PIGK: variants seen among roughly 807,000 people sequenced by gnomAD.
The protein encoded by PIGK is phosphatidylinositol glycan anchor biosynthesis class K.
In PIGK, 42 loss-of-function variants were observed where a neutral mutation model predicts 50.6. That is an observed-to-expected ratio of 0.83 (90% CI 0.65 to 1.07). PIGK has a LOEUF of 1.07. Among genes scored for constraint, PIGK ranks in the 50% least tolerant of loss-of-function variants. PIGK has a pLI of 0.00. For missense variants in PIGK, 448 were observed against 488.7 expected (o/e 0.92, Z 0.78); for synonymous variants, 151 against 156.0 (o/e 0.97, Z 0.24).
intron 1 of PIGK, among the ~76,000 whole-genome samples, chr1:77,210,716 G>A (rs934853454): frequency 6.6e-6 from 1 of 152,008 alleles, no homozygotes; most frequent in African/African-American, 2.4e-5. Flanking sequence ...CTGGAGAACT[G>A]GGTTTCATTC....
At chr1:77,189,058 T>C (rs1178747862) in intron 3 of PIGK, among the ~76,000 whole-genome samples, 4 of 152,246 alleles carry the variant, frequency 2.6e-5, no homozygotes, top group Non-Finnish European at 4.4e-5. Context: ...CATTTGTACT[T>C]AGAAAATATC....
At chr1:77,210,003 A>G (rs1040565281) in intron 2 of PIGK, among the ~76,000 whole-genome samples, 2 of 152,032 alleles carry the variant, frequency 1.3e-5, no homozygotes, top group Admixed American at 6.6e-5. Flanking sequence ...CCTTCTTTAA[A>G]CTTTTCTGTA....
intron 4 of PIGK, among the ~76,000 whole-genome samples, chr1:77,168,456 T>C (rs1655280648): frequency 6.6e-6 from 1 of 152,116 alleles, no homozygotes; most frequent in Admixed American, 6.5e-5. Flanking sequence ...GTTTGGCCTA[T>C]ATTTTCCTAA....
At chr1:77,110,578 T>A (rs1480850811) in intron 10 of PIGK, among the ~76,000 whole-genome samples, 1 of 152,138 alleles carries the variant, frequency 6.6e-6, no homozygotes, top group Non-Finnish European at 1.5e-5. Flanking sequence ...TGAAACTGGA[T>A]CCCTTCCTTA....
At chr1:77,160,849 A>C (rs1481214089) in intron 8 of PIGK, among the ~76,000 whole-genome samples, 1 of 152,200 alleles carries the variant, frequency 6.6e-6, no homozygotes, top group Non-Finnish European at 1.5e-5. Flanking sequence ...CTTTTCCAGG[A>C]GTTTCCCATT....
intron 9 of PIGK, among the ~76,000 whole-genome samples, chr1:77,124,874 A>G (rs115746032): frequency 0.014 from 2,109 of 152,278 alleles, 51 homozygotes; most frequent in African/African-American, 0.048. Flanking sequence ...CTTAAGTGCA[A>G]ATGATGTATT....
chr1:77,150,875 A>C (rs1184347159), intron 9 of PIGK, among the ~76,000 whole-genome samples: 2 of 152,160 alleles, frequency 1.3e-5, no homozygotes, highest in African/African-American at 4.8e-5. Flanking sequence ...ATCAAAGAAA[A>C]GCTCAGGACC....
At chr1:77,132,086 C>T (rs1355089386) in intron 9 of PIGK, among the ~76,000 whole-genome samples, 1 of 151,968 alleles carries the variant, frequency 6.6e-6, no homozygotes, top group Non-Finnish European at 1.5e-5. Context: ...CTTTTACTTA[C>T]TTTCTTTCTA....
intron 3 of PIGK, among the ~76,000 whole-genome samples, chr1:77,173,717 A>T (rs1655417237): frequency 6.6e-6 from 1 of 152,232 alleles, no homozygotes; most frequent in Admixed American, 6.5e-5. Flanking sequence ...GTTCTGTTAT[A>T]AAGAGTACTT....
At chr1:77,155,740 G>A (rs1654992882) in intron 8 of PIGK, among the ~76,000 whole-genome samples, 1 of 152,044 alleles carries the variant, frequency 6.6e-6, no homozygotes, top group African/African-American at 2.4e-5. Flanking sequence ...AATATTATAG[G>A]CCTGCCAGGA....
intron 3 of PIGK, among the ~76,000 whole-genome samples, chr1:77,174,944 G>A (rs976199728): frequency 6.6e-6 from 1 of 152,050 alleles, no homozygotes; most frequent in African/African-American, 2.4e-5. Flanking sequence ...GTATAGTTAT[G>A]TATGCGTTCT....
intron 10 of PIGK, among the ~76,000 whole-genome samples, chr1:77,101,719 C>A (rs1011002467): frequency 6.6e-6 from 1 of 152,044 alleles, no homozygotes; most frequent in Non-Finnish European, 1.5e-5. Context: ...AAAAAATATT[C>A]TTTTGGCCAG....
At chr1:77,154,204 G>T in intron 9 of PIGK, 1 of 517,666 alleles carries the variant, frequency 1.9e-6, no homozygotes, top group South Asian at 3.3e-5. Flanking sequence ...GTATCAAACT[G>T]AACCACTAGC....
intron 9 of PIGK, among the ~76,000 whole-genome samples, chr1:77,136,673 T>C (rs929888650): frequency 1.3e-5 from 2 of 152,118 alleles, no homozygotes; most frequent in South Asian, 2.1e-4. Context: ...ATGAAGTATA[T>C]ACTCCCTGTA....
rs182076687 is a variant in PIGK, at chr1:77,090,951, T to A, written c.*1423A>T. Reference sequence around the variant, plus strand: ...CTTTGCCTTTTGAAAAGTATGACAATCTTGCATGCAATTAAAAGGTAATAT... The same window carrying A: ...CTTTGCCTTTTGAAAAGTATGACAAACTTGCATGCAATTAAAAGGTAATAT... On this transcript the variant is annotated 3_prime_UTR_variant, in exon 11 of 11. Transcript: ENST00000370812. The A allele has an allele frequency of 1.3e-5, 2 of 152,304 alleles. No individual in the cohort carries two copies. The highest frequency in any genetic ancestry group is 4.8e-5 in the African/African-American group (2 of 41,558). The allele number at this position is 152,304 out of a possible 1,614,324, so 9.4% of individuals were successfully genotyped here.
intron 9 of PIGK, among the ~76,000 whole-genome samples, chr1:77,151,039 C>T (rs1020666218): frequency 2.6e-5 from 4 of 151,966 alleles, no homozygotes; most frequent in African/African-American, 9.7e-5. Flanking sequence ...CCACCACACA[C>T]ACACATAAAA....
At chr1:77,163,669 TCA>T (rs1655175265) in intron 6 of PIGK, among the ~76,000 whole-genome samples, 175 bp downstream of exon 6, 1 of 152,164 alleles carries the variant, frequency 6.6e-6, no homozygotes, top group Non-Finnish European at 1.5e-5. Flanking sequence ...AGAATAACTC[TCA>T]GTTTTTCTTT....
intron 3 of PIGK, among the ~76,000 whole-genome samples, chr1:77,196,429 C>T (rs1656038354): frequency 6.6e-6 from 1 of 152,156 alleles, no homozygotes; most frequent in African/African-American, 2.4e-5. Context: ...AACTAATTTA[C>T]ATTCCTACCA....
At chr1:77,114,817 C>T (rs943715436) in intron 10 of PIGK, among the ~76,000 whole-genome samples, 7 of 152,118 alleles carry the variant, frequency 4.6e-5, no homozygotes, top group Non-Finnish European at 1.0e-4. Flanking sequence ...CTTGCCTTAT[C>T]ACTTGAATAA....
Sources: allele counts gnomAD v4.1 joint callset (sites outside exome capture counted in the v4.1 genomes callset), GRCh38; gene constraint gnomAD v4.1.1; transcripts MANE v1.5; gene names NCBI Gene and HGNC (gene_info 2026-07-23, HGNC 2026-07-21).